Variants in NNT observed in about 807,000 individuals in gnomAD.
The protein encoded by NNT is NAD(P) transhydrogenase, mitochondrial.
In NNT, 50 loss-of-function variants were observed where a neutral mutation model predicts 104.8. That is an observed-to-expected ratio of 0.48 (90% CI 0.38 to 0.60). NNT has a LOEUF of 0.60. Among genes scored for constraint, NNT ranks in the 20% least tolerant of loss-of-function variants. NNT has a pLI of 0.00. For missense variants in NNT, 1,131 were observed against 1,330.7 expected, an observed-to-expected ratio of 0.85 and a Z score of 2.33; for synonymous variants, 461 against 490.4, an observed-to-expected ratio of 0.94 and a Z score of 0.79.
At chr5:43,669,135 C>T (rs1463017433) in intron 17 of NNT, among the ~76,000 whole-genome samples, 2 of 152,030 alleles carry the variant, frequency 1.3e-5, no homozygotes, top group African/African-American at 4.8e-5. Context: ...GATTTTGTAT[C>T]CTGAGACTTT....
At chr5:43,685,478 A>G (rs141401114) in intron 19 of NNT, among the ~76,000 whole-genome samples, 411 of 152,288 alleles carry the variant, frequency 2.7e-3, no homozygotes, top group African/African-American at 9.5e-3. Flanking sequence ...AAGGTTGTAA[A>G]GAGCTTATTT....
At chr5:43,626,509 A>G (rs1281992972) in intron 6 of NNT, among the ~76,000 whole-genome samples, 2 of 152,102 alleles carry the variant, frequency 1.3e-5, no homozygotes, top group African/African-American at 2.4e-5. Context: ...GAATCAAAAG[A>G]TATACACATT....
chr5:43,641,842 G>T (rs998951671), intron 7 of NNT, among the ~76,000 whole-genome samples: 1 of 152,186 alleles, frequency 6.6e-6, no homozygotes, highest in African/African-American at 2.4e-5. Context: ...ACTTATCTCT[G>T]TTAAGATGCA....
At chr5:43,670,921 T>G (rs1284707592) in intron 17 of NNT, among the ~76,000 whole-genome samples, 1 of 151,922 alleles carries the variant, frequency 6.6e-6, no homozygotes, top group Non-Finnish European at 1.5e-5. Flanking sequence ...GGAGTCTAAG[T>G]CTCTTTGTAG....
intron 7 of NNT, among the ~76,000 whole-genome samples, chr5:43,634,378 T>C (rs1750830740): frequency 6.6e-6 from 1 of 152,114 alleles, no homozygotes; most frequent in Admixed American, 6.5e-5. Flanking sequence ...AGAATAACTA[T>C]ACTCTCTAGT....
chr5:43,632,682 A>G (rs1674982858), intron 7 of NNT, among the ~76,000 whole-genome samples: 1 of 152,134 alleles, frequency 6.6e-6, no homozygotes, highest in Non-Finnish European at 1.5e-5. Flanking sequence ...ACACAAAGAA[A>G]AGCTCTCTAC....
At position 43,612,958 on chromosome 5, in the gene NNT, A is replaced by G; in HGVS notation, c.202A>G (p.Asn68Asp). 6.2e-7 allele frequency: 1 copy of G among 1,614,122 alleles called. No individual in the cohort carries two copies. ...TVGVPKEIFQ[N>D]EKRVALSPAG... ...TGGAGTCCCCAAAGAGATATTCCAA[A>G]ATGAGAAGCGAGTGGCATTGTCTCC... The change falls in exon 3 of 22, where the codon AAT (asparagine) becomes GAT (aspartate). Residue 68 changes from asparagine to aspartate, a missense_variant. Physicochemically the swap from Asn to Asp is conservative, Grantham distance 23 (BLOSUM62 1). Coordinates refer to ENST00000344920, the MANE Select transcript of NNT (RefSeq NM_182977.3).
intron 7 of NNT, among the ~76,000 whole-genome samples, chr5:43,643,148 G>A (rs1751325652): frequency 1.3e-5 from 2 of 152,072 alleles, no homozygotes; most frequent in Admixed American, 1.3e-4. Flanking sequence ...GAACTCCTGG[G>A]CTCAAGTGAT....
chr5:43,690,276 C>G (rs369817963), intron 19 of NNT, among the ~76,000 whole-genome samples: 2 of 151,708 alleles, frequency 1.3e-5, no homozygotes, highest in South Asian at 4.2e-4. Flanking sequence ...GACTTCTGAC[C>G]TTCAGCCCTT....
rs1267862181 is a variant in NNT at position 43,706,325 on chromosome 5, C to G, written c.*1921C>G. On this transcript the variant is annotated 3_prime_UTR_variant, in exon 22 of 22. Transcript: ENST00000344920. ...ACAACAAAAATGATTTTTATACATT[C>G]TATTTCATTATTCCTCTTTTTCCAA... is the stretch of plus-strand genomic sequence containing the variant. The G allele has an allele frequency of 6.6e-6, 1 of 151,584 alleles. No individual in the cohort carries two copies. Among genetic ancestry groups the G allele is most frequent in the African/African-American group, 2.4e-5 (1 of 41,366 alleles). The allele number at this position is 151,584 out of a possible 1,614,324, so 9.4% of individuals were successfully genotyped here. A position where few individuals can be genotyped will look rare whatever the true frequency, so the allele number is the denominator to read the frequency against.
chr5:43,668,244 GTT>G (rs57590117), intron 17 of NNT, among the ~76,000 whole-genome samples: 109 of 138,298 alleles, frequency 7.9e-4, no homozygotes, highest in Non-Finnish European at 1.1e-3. Context: ...TCTGATGGTG[GTT>G]TTTTTTTTTT....
chr5:43,627,804 A>G (rs1750447350), intron 6 of NNT, among the ~76,000 whole-genome samples: 1 of 152,150 alleles, frequency 6.6e-6, no homozygotes, highest in Non-Finnish European at 1.5e-5. Context: ...CTCTAGTAAG[A>G]ACAAATTCAG....
chr5:43,604,161 C>G (rs1188600107), intron 1 of NNT, among the ~76,000 whole-genome samples: 1 of 152,162 alleles, frequency 6.6e-6, no homozygotes, highest in Non-Finnish European at 1.5e-5. Flanking sequence ...GCTGGTATGT[C>G]TCGCTTTTAA....
intron 7 of NNT, among the ~76,000 whole-genome samples, chr5:43,633,882 A>G (rs34753533): frequency 0.034 from 5,140 of 152,012 alleles, 133 homozygotes; most frequent in East Asian, 0.12. Context: ...CAAAACTGGA[A>G]CACATGCCCA....
chr5:43,644,471 G>A, intron 8 of NNT, 140 bp from the exon 9 acceptor site: 2 of 1,200,974 alleles, frequency 1.7e-6, no homozygotes, highest in Non-Finnish European at 2.3e-6. Flanking sequence ...GTTGAAATAT[G>A]TATTTGTTTA....
chr5:43,686,435 A>T (rs1217575592), intron 19 of NNT, among the ~76,000 whole-genome samples: 3 of 152,044 alleles, frequency 2.0e-5, no homozygotes, highest in African/African-American at 7.2e-5. Context: ...AGGGAGCCCA[A>T]CGTTTATAAT....
chr5:43,637,693 A>T (rs2111773056), intron 7 of NNT, among the ~76,000 whole-genome samples: 1 of 152,268 alleles, frequency 6.6e-6, no homozygotes, highest in East Asian at 1.9e-4. Context: ...TAGAGGAGGT[A>T]GTCCAGTGCT....
In NNT at chr5:43,618,389, C is replaced by T. The variant is rs375296958; in HGVS notation, c.600-643C>T. Among the ~76,000 whole-genome samples the T allele has an allele frequency of 3.3e-5, 5 of 152,246 alleles. No individual in the cohort carries two copies. The East Asian group carries it at 5.8e-4, about 18-fold the overall frequency. ...AGGACATGAACTAAGGTCAGTATAT[C>T]GGAAAATCCCATACTTTGAACCATT... is the stretch of plus-strand genomic sequence containing the variant. On this transcript the variant is annotated intron_variant, in intron 4 of 21. Transcript: ENST00000344920.
intron 19 of NNT, among the ~76,000 whole-genome samples, chr5:43,695,857 T>C (rs560736603): frequency 6.6e-6 from 1 of 152,256 alleles, no homozygotes; most frequent in South Asian, 2.1e-4. Flanking sequence ...CTCCTTCTTA[T>C]AAAACCACCA....
Sources: allele counts gnomAD v4.1 joint callset (sites outside exome capture counted in the v4.1 genomes callset), GRCh38; gene constraint gnomAD v4.1.1; transcripts MANE v1.5; gene names NCBI Gene and HGNC (gene_info 2026-07-23, HGNC 2026-07-21).